The following ANK3 variants were observed in gnomAD, a reference collection of about 807,000 sequenced individuals.
ANK3 encodes ankyrin-3.
A neutral mutation model predicts 370.9 loss-of-function variants in ANK3; 57 were observed. That is an observed-to-expected ratio of 0.15 (90% CI 0.12 to 0.19). The LOEUF (loss-of-function observed/expected upper bound fraction) is 0.19. ANK3 is among the 10% of genes least tolerant of loss of function. The probability of loss-of-function intolerance (pLI) is 1.00; values close to 1 mark genes in which losing one functional copy is unlikely to be tolerated. For missense variants in ANK3, 4,439 were observed against 5,302.1 expected (o/e 0.84, Z 5.06); for synonymous variants, 1,929 against 1,946.3 (o/e 0.99, Z 0.23).
Position 60,044,259 on chromosome 10 carries a change from G to GATTACTTTTCTGGTGA in ANK3, c.13066-1516_13066-1501dup, listed in dbSNP as rs953510748. On this transcript the variant is annotated intron_variant, in intron 42 of 43. Transcript: ENST00000280772. ...AAGAGAAGCATGAAATCTGAATGAT[G>GATTACTTTTCTGGTGA]ATTACTTTTCTGGTGATGAGGTTGC... is the stretch of plus-strand genomic sequence containing the variant. 3.0e-6 allele frequency: 3 copies of GATTACTTTTCTGGTGA among 984,722 alleles called. No homozygotes were observed. In the African/African-American group the frequency reaches 5.3e-5, roughly 17 times the overall value. The allele number at this position is 984,722 out of a possible 1,614,324, so 61.0% of individuals were successfully genotyped here.
At chr10:60,408,915 C>T (rs1044955298) in intron 2 of ANK3, among the ~76,000 whole-genome samples, 2 of 152,122 alleles carry the variant, frequency 1.3e-5, no homozygotes, top group African/African-American at 4.8e-5. Flanking sequence ...GTTAATAACA[C>T]TGGGCACATT....
At chr10:60,270,361 ATATT>A (rs1361225129) in intron 4 of ANK3, 132 bp from the exon 5 acceptor site, 6 of 469,136 alleles carry the variant, frequency 1.3e-5, no homozygotes, top group African/African-American at 2.0e-5. Context: ...ATAGATATAA[ATATT>A]TATTAGAAAA....
At chr10:60,640,978 T>C (rs1299272829) in intron 1 of ANK3, among the ~76,000 whole-genome samples, 13 of 137,340 alleles carry the variant, frequency 9.5e-5, no homozygotes, top group African/African-American at 2.4e-4. Context: ...CATTCTTATA[T>C]ACCAATAACA....
At chr10:60,088,570 C>T (rs2087305344) in intron 28 of ANK3, among the ~76,000 whole-genome samples, 1 of 152,106 alleles carries the variant, frequency 6.6e-6, no homozygotes, top group Non-Finnish European at 1.5e-5. Context: ...GGATTACGGG[C>T]ATGCACCTCC....
rs572235199 is a variant in ANK3 at position 60,508,343 on chromosome 10, T to G, written c.96+106843A>C. On this transcript the variant is annotated intron_variant, in intron 2 of 43. Coordinates refer to the ANK3 transcript ENST00000373827. ...AAAGTGAATCTCATTTTTCATTATT[T>G]CCGCTTTGCAGGGTAGAGATGCTTA... 5.2e-5 allele frequency: 8 copies of G among 152,730 alleles called. 1 individual carries two copies. The South Asian group carries it at 1.7e-3, about 32-fold the overall frequency. The allele number at this position is 152,730 out of a possible 1,614,324, so 9.5% of individuals were successfully genotyped here. A position where few individuals can be genotyped will look rare whatever the true frequency, so the allele number is the denominator to read the frequency against.
intron 7 of ANK3, among the ~76,000 whole-genome samples, chr10:60,258,332 G>C (rs1241573893): frequency 1.3e-5 from 2 of 152,008 alleles, no homozygotes; most frequent in African/African-American, 4.8e-5. Flanking sequence ...AGATCTCCAA[G>C]GATAATCCAA....
In ANK3 at chr10:60,058,872, A is replaced by G. The variant is rs1314317517; in HGVS notation, c.12686+468T>C. ...TGTGTTCAAGCAGTTCTCCTGCCTCAGCCTCCTGAGTAGCTGGGATTACAG... is the reference window on the plus strand; with the variant it reads ...TGTGTTCAAGCAGTTCTCCTGCCTCGGCCTCCTGAGTAGCTGGGATTACAG... On this transcript the variant is annotated intron_variant, in intron 41 of 43. Coordinates refer to ENST00000280772, the MANE Select transcript of ANK3 (RefSeq NM_020987.5). Among the ~76,000 whole-genome samples, 5 of 152,134 alleles carry G rather than the reference A, an allele frequency of 3.3e-5. 1 individual carries two copies. In the South Asian group the frequency reaches 1.0e-3, roughly 32 times the overall value.
intron 27 of ANK3, among the ~76,000 whole-genome samples, chr10:60,108,464 T>C (rs2393585): frequency 0.64 from 97,043 of 151,998 alleles, 31,373 homozygotes; most frequent in East Asian, 0.93. Flanking sequence ...AAAAATTTTC[T>C]TTAAAAAGAC....
intron 23 of ANK3, among the ~76,000 whole-genome samples, chr10:60,164,934 G>C (rs2132290939): frequency 6.6e-6 from 1 of 152,232 alleles, no homozygotes; most frequent in South Asian, 2.1e-4. Flanking sequence ...CATAAAATGA[G>C]AATTTAAAAT....
intron 1 of ANK3, among the ~76,000 whole-genome samples, chr10:60,382,829 C>A (rs1164123099): frequency 8.4e-6 from 1 of 118,486 alleles, no homozygotes; most frequent in Non-Finnish European, 1.9e-5. Context: ...ATATATATGC[C>A]AATGCTTTTA....
chr10:60,484,917 T>C (rs757661350), intron 2 of ANK3, among the ~76,000 whole-genome samples: 51 of 152,166 alleles, frequency 3.4e-4, no homozygotes, highest in Non-Finnish European at 6.5e-4. Context: ...CATATGTGTG[T>C]CTGTGTATTT....
chr10:60,405,066 G>A (rs141621799), intron 2 of ANK3, among the ~76,000 whole-genome samples: 3 of 152,120 alleles, frequency 2.0e-5, no homozygotes, highest in Non-Finnish European at 4.4e-5. Flanking sequence ...ACTCTAATAC[G>A]TTGTGAGTGG....
At chr10:60,627,372 C>T (rs2078425481) in intron 1 of ANK3, among the ~76,000 whole-genome samples, 1 of 151,504 alleles carries the variant, frequency 6.6e-6, no homozygotes, top group Non-Finnish European at 1.5e-5. Context: ...ATAACAAATT[C>T]TACTTGACGT....
chr10:60,434,244 C>T (rs974099475), intron 2 of ANK3, among the ~76,000 whole-genome samples: 7 of 152,126 alleles, frequency 4.6e-5, no homozygotes, highest in Non-Finnish European at 8.8e-5. Flanking sequence ...CATACAGATA[C>T]TTGTCAGCTT....
intron 1 of ANK3, among the ~76,000 whole-genome samples, chr10:60,688,832 C>T (rs1432831848): frequency 5.3e-5 from 8 of 151,886 alleles, no homozygotes; most frequent in Non-Finnish European, 1.2e-4. Flanking sequence ...CCTGTAGTCC[C>T]AGATACTCAG....
chr10:60,176,472 G>A (rs1039519096), intron 18 of ANK3, among the ~76,000 whole-genome samples: 8 of 151,502 alleles, frequency 5.3e-5, no homozygotes, highest in African/African-American at 1.9e-4. Context: ...TTATAATTTT[G>A]CTAACCAGGC....
intron 30 of ANK3, among the ~76,000 whole-genome samples, chr10:60,085,903 C>G (rs1190819737): frequency 6.6e-6 from 1 of 152,184 alleles, no homozygotes; most frequent in African/African-American, 2.4e-5. Flanking sequence ...GCGTGAGCCA[C>G]CGCGCCCAGC....
chr10:60,118,459 G>A (rs181458051), intron 25 of ANK3, among the ~76,000 whole-genome samples: 152 of 152,160 alleles, frequency 1.0e-3, no homozygotes, highest in African/African-American at 3.5e-3. Context: ...AAGAATCTAC[G>A]GAACCAAGAT....
At chr10:60,672,093 A>C (rs1245370607) in intron 1 of ANK3, among the ~76,000 whole-genome samples, 1 of 152,248 alleles carries the variant, frequency 6.6e-6, no homozygotes, top group Admixed American at 6.5e-5. Flanking sequence ...TTTGTTACTC[A>C]ACAATAGACA....
Sources: allele counts gnomAD v4.1 joint callset (sites outside exome capture counted in the v4.1 genomes callset), GRCh38; gene constraint gnomAD v4.1.1; transcripts MANE v1.5; gene names NCBI Gene and HGNC (gene_info 2026-07-23, HGNC 2026-07-21).